The following SWAP70 variants were observed in gnomAD, a reference collection of about 807,000 sequenced individuals.
The protein encoded by SWAP70 is switch-associated protein 70.
SWAP70 carries 34 observed loss-of-function variants against 80.2 expected under a neutral mutation model. The ratio of observed to expected loss-of-function variants is 0.42; its 90% confidence interval spans 0.32 to 0.56. The LOEUF is 0.56. Among genes scored for constraint, SWAP70 ranks in the 20% least tolerant of loss-of-function variants. The pLI is 0.09. For missense variants in SWAP70, 578 were observed against 690.7 expected, an observed-to-expected ratio of 0.84 and a Z score of 1.83; for synonymous variants, 239 against 238.5, an observed-to-expected ratio of 1.00 and a Z score of -0.02.
intron 7 of SWAP70, among the ~76,000 whole-genome samples, chr11:9,736,665 G>A (rs537866862): frequency 5.7e-4 from 86 of 152,092 alleles, no homozygotes; most frequent in South Asian, 1.7e-3. Flanking sequence ...GATTTTTGCA[G>A]GGCTCTCTTT....
At chr11:9,723,361 T>G (rs1851164530) in intron 3 of SWAP70, among the ~76,000 whole-genome samples, 1 of 152,066 alleles carries the variant, frequency 6.6e-6, no homozygotes, top group Non-Finnish European at 1.5e-5. Flanking sequence ...CAAAACACTA[T>G]TTCTTTATTG....
chr11:9,739,845 T>C (rs1460987226), intron 8 of SWAP70, among the ~76,000 whole-genome samples: 1 of 152,186 alleles, frequency 6.6e-6, no homozygotes. Context: ...GGTAAAAAGA[T>C]TGTGACTTTA....
intron 1 of SWAP70, among the ~76,000 whole-genome samples, chr11:9,672,005 AAT>A (rs765425676): frequency 2.1e-4 from 24 of 116,828 alleles, no homozygotes; most frequent in Middle Eastern, 0.01. Flanking sequence ...TAATATATAA[AAT>A]ATATATTTTA....
At chr11:9,719,430 C>T (rs922256894) in intron 3 of SWAP70, among the ~76,000 whole-genome samples, 3 of 151,992 alleles carry the variant, frequency 2.0e-5, no homozygotes, top group African/African-American at 7.3e-5. Context: ...TGCCTGTAAT[C>T]CCAGCTATAT....
chr11:9,672,315 G>C (rs1015794465), intron 1 of SWAP70, among the ~76,000 whole-genome samples: 3 of 143,850 alleles, frequency 2.1e-5, no homozygotes, highest in Admixed American at 1.4e-4. Context: ...GAAAAGCTTG[G>C]AATATTGACA....
intron 1 of SWAP70, among the ~76,000 whole-genome samples, chr11:9,690,523 T>A (rs1258223240): frequency 6.6e-6 from 1 of 152,032 alleles, no homozygotes; most frequent in Non-Finnish European, 1.5e-5. Flanking sequence ...GTTGCTGAGA[T>A]CATGCCATTG....
At chr11:9,708,552 A>T (rs1850953203) in intron 2 of SWAP70, among the ~76,000 whole-genome samples, 1 of 152,140 alleles carries the variant, frequency 6.6e-6, no homozygotes. Flanking sequence ...AACTCCTTGA[A>T]CTGTTTTCCT....
At chr11:9,701,491 A>G (rs370898973) in intron 2 of SWAP70, among the ~76,000 whole-genome samples, 7 of 151,508 alleles carry the variant, frequency 4.6e-5, no homozygotes, top group African/African-American at 1.7e-4. Flanking sequence ...AAATTTTTAA[A>G]TTCCTTCTTG....
chr11:9,704,822 T>C (rs34043654), intron 2 of SWAP70, among the ~76,000 whole-genome samples: 49,971 of 152,054 alleles, frequency 0.33, 8,436 homozygotes, highest in Non-Finnish European at 0.35. Flanking sequence ...ATACCAGATG[T>C]TGACTGACCT....
rs939691750 is a variant in SWAP70 at position 9,664,327 on chromosome 11, C to T, written c.99+49C>T. 3.9e-6 allele frequency: 6 copies of T among 1,528,924 alleles called. No individual in the cohort carries two copies. The African/African-American group carries it at 6.9e-5, about 18-fold the overall frequency. 94.7% of individuals were successfully genotyped at this position (1,528,924 alleles called of 1,614,324 possible). A position where few individuals can be genotyped will look rare whatever the true frequency, so the allele number is the denominator to read the frequency against. ...CCCACCCGACCCTCCCCGGCGCGCT[C>T]TGTACTTCCCTTGGGTGGAAGCGGG... On this transcript the variant is annotated intron_variant, in intron 1 of 11. Coordinates refer to ENST00000318950, the MANE Select transcript of SWAP70 (RefSeq NM_015055.4).
At chr11:9,706,431 A>G (rs1850916228) in intron 2 of SWAP70, among the ~76,000 whole-genome samples, 1 of 152,112 alleles carries the variant, frequency 6.6e-6, no homozygotes, top group Non-Finnish European at 1.5e-5. Context: ...TTATAATATG[A>G]TATATACAAA....
At chr11:9,670,209 G>C (rs1850358196) in intron 1 of SWAP70, among the ~76,000 whole-genome samples, 1 of 152,170 alleles carries the variant, frequency 6.6e-6, no homozygotes, top group Non-Finnish European at 1.5e-5. Context: ...AGATGGACAA[G>C]AGGGAAATGG....
At chr11:9,740,555 T>C in intron 9 of SWAP70, 1 of 591,506 alleles carries the variant, frequency 1.7e-6, no homozygotes. Flanking sequence ...AAACCCTTGC[T>C]TCTGGGGCTA....
intron 9 of SWAP70, among the ~76,000 whole-genome samples, chr11:9,746,826 C>T (rs1012297789): frequency 1.4e-4 from 21 of 152,210 alleles, no homozygotes; most frequent in African/African-American, 5.1e-4. Context: ...CGAGTGGTAG[C>T]CCATCACCTA....
At chr11:9,717,949 G>A (rs1851086733) in intron 3 of SWAP70, among the ~76,000 whole-genome samples, 1 of 152,240 alleles carries the variant, frequency 6.6e-6, no homozygotes, top group Non-Finnish European at 1.5e-5. Flanking sequence ...AAGGGAGCCA[G>A]TCAGCATCAG....
intron 2 of SWAP70, among the ~76,000 whole-genome samples, chr11:9,703,096 T>C (rs910280036): frequency 1.3e-5 from 2 of 152,174 alleles, no homozygotes; most frequent in Non-Finnish European, 2.9e-5. Flanking sequence ...CCCTCTCCCC[T>C]ATAGCTCTAG....
rs5789612 is a variant in SWAP70, at chr11:9,692,217, AATATATATAT to A, written c.100-1916_100-1907del. 1.8e-3 allele frequency among the ~76,000 whole-genome samples: 257 copies of A among 145,348 alleles called. 2 individuals are homozygous for A. The highest frequency in any genetic ancestry group is 6.3e-3 in the African/African-American group (251 of 40,070). ...ATGTGATCTTAGGCTGGCCACTTAA[AATATATATAT>A]ATATATATATATTTAATTTTAAAAA... On this transcript the variant is annotated intron_variant, in intron 1 of 11. Transcript: ENST00000318950.
intron 8 of SWAP70, 75 bp from the exon 9 acceptor site, chr11:9,740,106 C>G (rs999377366): frequency 1.4e-5 from 20 of 1,413,552 alleles, no homozygotes; most frequent in Non-Finnish European, 1.9e-5. Flanking sequence ...TGTGGGCAAC[C>G]CCTCAGGTGG....
rs147681355 is a variant in SWAP70, at chr11:9,710,837, G to A, written c.241-2629G>A. Among the ~76,000 whole-genome samples, 796 of 151,726 alleles carry A rather than the reference G, an allele frequency of 5.2e-3. 7 individuals carry two copies. Among genetic ancestry groups the A allele is most frequent in the African/African-American group, 0.018 (748 of 41,404 alleles). On this transcript the variant is annotated intron_variant, in intron 2 of 11. Transcript: ENST00000318950. The stretch of plus-strand genomic sequence containing the variant: ...TGGGACCACAGGCATGCACTGTTGT[G>A]CTCAGCTAATTTTTAAAATTATTAT...
Sources: gnomAD v4.1 joint callset for allele counts (sites outside exome capture counted in the v4.1 genomes callset) on GRCh38, gnomAD v4.1.1 for gene constraint, MANE v1.5 for transcripts, NCBI Gene and HGNC (gene_info 2026-07-23, HGNC 2026-07-21) for gene names.